TMPRSS13: variants seen among roughly 807,000 people sequenced by gnomAD.
TMPRSS13 encodes the protein transmembrane protease serine 13.
TMPRSS13 carries 50 observed loss-of-function variants against 68.4 expected under a neutral mutation model. The ratio of observed to expected loss-of-function variants is 0.73; its 90% confidence interval spans 0.58 to 0.93. TMPRSS13 has a LOEUF of 0.93. Ranked by LOEUF, TMPRSS13 falls within the 40% of genes least tolerant of loss-of-function variation. The pLI is 0.00. For synonymous variants in TMPRSS13, 267 were observed against 285.8 expected, an observed-to-expected ratio of 0.93 and a Z score of 0.66; for missense variants, 615 against 729.2, an observed-to-expected ratio of 0.84 and a Z score of 1.80.
Position 117,905,718 on chromosome 11 carries a change from C to T in TMPRSS13, c.1301G>A (p.Cys434Tyr). ...AAAGGTCTGTCCATGCATGGGGAGG[C>T]AAGCAGGGTGGATGTGAGCTGCAAC... is the stretch of plus-strand genomic sequence containing the variant. ...LTLSAHIHPA[C>Y]LPMHGQTFSL... The change falls in exon 10 of 13, where the codon TGC becomes TAC. Residue 434 changes from cysteine (C) to tyrosine (Y), a missense_variant. Cys to Tyr is a radical substitution (Grantham distance 194). Coordinates refer to ENST00000524993, the MANE Select transcript of TMPRSS13 (RefSeq NM_001077263.3). The T allele has an allele frequency of 6.2e-7, 1 of 1,601,968 alleles. No homozygotes were observed. The highest frequency in any genetic ancestry group is 8.5e-7 in the Non-Finnish European group (1 of 1,172,764).
At chr11:117,911,702 CAA>C in intron 6 of TMPRSS13, 64 bp downstream of exon 6, 1 of 1,382,364 alleles carries the variant, frequency 7.2e-7, no homozygotes, top group Non-Finnish European at 1.0e-6. Context: ...CTCCCTGACT[CAA>C]AGACCCTCTC....
chr11:117,926,324 G>T (rs1267782117), intron 1 of TMPRSS13, among the ~76,000 whole-genome samples: 2 of 152,202 alleles, frequency 1.3e-5, no homozygotes, highest in African/African-American at 4.8e-5. Flanking sequence ...TCCTTGGGGT[G>T]CCTGGGGCTG....
chr11:117,905,009 C>T (rs192908606), intron 10 of TMPRSS13, among the ~76,000 whole-genome samples: 1 of 151,270 alleles, frequency 6.6e-6, no homozygotes, highest in East Asian at 1.9e-4. Flanking sequence ...ATCCTCCTGC[C>T]TCAGCCCCTC....
intron 7 of TMPRSS13, 61 bp downstream of exon 7, chr11:117,910,646 G>C (rs1198665787): frequency 6.6e-7 from 1 of 1,517,810 alleles, no homozygotes; most frequent in Non-Finnish European, 9.0e-7. Flanking sequence ...GAGGAGTGCT[G>C]CCCCTCTGCC....
rs183963960 is a variant in TMPRSS13, at chr11:117,909,628, C to A, written c.1109+178G>T. 2.0e-5 allele frequency among the ~76,000 whole-genome samples: 3 copies of A among 152,336 alleles called. No homozygotes were observed. The East Asian group carries it at 5.8e-4, about 29-fold the overall frequency. ...CTTGGGCCTAGCTCGGAACAAACACCCCCGACCCACACTCTCAGGACCAGG... is the reference window on the plus strand; with the variant it reads ...CTTGGGCCTAGCTCGGAACAAACACACCCGACCCACACTCTCAGGACCAGG... On this transcript the variant is annotated intron_variant, in intron 8 of 12. Transcript: ENST00000524993.
At chr11:117,908,982 T>G (rs1156929048) in intron 8 of TMPRSS13, among the ~76,000 whole-genome samples, 198 bp from the exon 9 acceptor site, 1 of 152,164 alleles carries the variant, frequency 6.6e-6, no homozygotes, top group African/African-American at 2.4e-5. Context: ...ATTATGAGCT[T>G]GCAGCTCTGC....
At chr11:117,920,247 G>A (rs1387541568) in intron 1 of TMPRSS13, among the ~76,000 whole-genome samples, 2 of 152,190 alleles carry the variant, frequency 1.3e-5, no homozygotes, top group African/African-American at 4.8e-5. Context: ...CTTGCTTCGT[G>A]GTACTGAGGT....
At chr11:117,908,550 C>T (rs1431412171) in intron 9 of TMPRSS13, 62 bp downstream of exon 9, 10 of 1,525,812 alleles carry the variant, frequency 6.6e-6, no homozygotes, top group Admixed American at 5.9e-5. Flanking sequence ...CTGACAAGTG[C>T]GAGGGCTGCA....
chr11:117,903,212 A>T (rs2057425278), intron 12 of TMPRSS13: 1 of 1,337,852 alleles, frequency 7.5e-7, no homozygotes, highest in Non-Finnish European at 9.7e-7. Context: ...AAAAAAAGAC[A>T]ACAACAACAA....
chr11:117,905,184 G>A (rs1304622321), intron 10 of TMPRSS13, among the ~76,000 whole-genome samples: 5 of 151,416 alleles, frequency 3.3e-5, no homozygotes, highest in African/African-American at 7.3e-5. Context: ...TGTAAGCTAC[G>A]GTGCCCGGCC....
chr11:117,920,149 G>A (rs546986423), intron 1 of TMPRSS13, among the ~76,000 whole-genome samples: 109 of 152,266 alleles, frequency 7.2e-4, no homozygotes, highest in African/African-American at 2.6e-3. Context: ...CTGGAATTTG[G>A]CCTGCCTCTA....
At chr11:117,907,698 T>C (rs1373844014) in intron 9 of TMPRSS13, 2 of 660,810 alleles carry the variant, frequency 3.0e-6, no homozygotes, top group African/African-American at 3.9e-5. Context: ...CTATCCTTCC[T>C]CTGCTGAGCT....
rs1199152394 is a variant in TMPRSS13, at chr11:117,908,473, G to A, written c.1282+139C>T. On this transcript the variant is annotated intron_variant, in intron 9 of 12. Coordinates refer to ENST00000524993, the MANE Select transcript of TMPRSS13 (RefSeq NM_001077263.3). Reference sequence around the variant, plus strand: ...TATAAAACAGAAGTGTTCCATGTAAGGATCTTTAAGAGTCTTTGACTTCTG... The same window carrying A: ...TATAAAACAGAAGTGTTCCATGTAAAGATCTTTAAGAGTCTTTGACTTCTG... 7 of 886,004 alleles carry A rather than the reference G, an allele frequency of 7.9e-6. No homozygotes were observed. The South Asian group carries it at 9.1e-5, about 11-fold the overall frequency. The allele number at this position is 886,004 out of a possible 1,614,324, so 54.9% of individuals were successfully genotyped here. A position where few individuals can be genotyped will look rare whatever the true frequency, so the allele number is the denominator to read the frequency against.
intron 4 of TMPRSS13, 59 bp from the exon 5 acceptor site, chr11:117,913,965 G>C (rs2057547742): frequency 3.2e-6 from 5 of 1,586,480 alleles, no homozygotes; most frequent in Non-Finnish European, 4.3e-6. Context: ...TCAAGCTCTT[G>C]GGGGATGAGC....
chr11:117,905,511 C>T (rs966710841), intron 10 of TMPRSS13, 127 bp downstream of exon 10: 6 of 699,850 alleles, frequency 8.6e-6, no homozygotes, highest in East Asian at 3.4e-5. Flanking sequence ...CCCATGAATC[C>T]GTATACCCAA....
rs756899485 is a variant in TMPRSS13 at position 117,918,511 on chromosome 11, T to C, written c.349A>G (p.Thr117Ala). The C allele has an allele frequency of 1.9e-6, 3 of 1,614,020 alleles. No individual in the cohort carries two copies. The highest frequency in any genetic ancestry group is 1.3e-5 in the African/African-American group (1 of 74,918). Residue 117 changes from threonine (T) to alanine (A), a missense_variant, in exon 2 of 13, where the codon ACC becomes GCC. Coordinates refer to ENST00000524993, the MANE Select transcript of TMPRSS13 (RefSeq NM_001077263.3). ...GTTGCTCTAACAAGGTACACTCTGG[T>C]TGGGGAGGTTGTCACCGAGGCTGAC... ...ARSASVTTSP[T>A]RVYLVRATPV... is the part of the protein sequence containing the mutation.
In TMPRSS13 at chr11:117,910,068, A is replaced by G. The variant is rs536943958; in HGVS notation, c.947-100T>C. ...TCTGCTGTGCTCCCAGGGCCAGGAC[A>G]GGCTCAGGCAGCCCCATCCTGAAGG... is the stretch of plus-strand genomic sequence containing the variant. On this transcript the variant is annotated intron_variant, in intron 7 of 12. Transcript: ENST00000524993. 34 of 1,448,054 alleles carry G rather than the reference A, an allele frequency of 2.3e-5. No individual in the cohort carries two copies. In the East Asian group the frequency reaches 7.9e-4, roughly 34 times the overall value. 89.7% of individuals were successfully genotyped at this position (1,448,054 alleles called of 1,614,324 possible).
At chr11:117,907,280 C>G (rs1444044598) in intron 9 of TMPRSS13, among the ~76,000 whole-genome samples, 1 of 152,082 alleles carries the variant, frequency 6.6e-6, no homozygotes, top group Non-Finnish European at 1.5e-5. Flanking sequence ...CTGGACTCCA[C>G]AGACAAGGAT....
chr11:117,920,152 T>C (rs905390016), intron 1 of TMPRSS13, among the ~76,000 whole-genome samples: 1 of 152,178 alleles, frequency 6.6e-6, no homozygotes, highest in South Asian at 2.1e-4. Context: ...GAATTTGGCC[T>C]GCCTCTAAGG....
Sources: gnomAD v4.1 joint callset for allele counts (sites outside exome capture counted in the v4.1 genomes callset) on GRCh38, gnomAD v4.1.1 for gene constraint, MANE v1.5 for transcripts, NCBI Gene and HGNC (gene_info 2026-07-23, HGNC 2026-07-21) for gene names.